Variants in DGKB observed in about 807,000 individuals in gnomAD.
DGKB encodes diacylglycerol kinase beta.
A neutral mutation model predicts 114.3 loss-of-function variants in DGKB; 67 were observed. The ratio of observed to expected loss-of-function variants is 0.59; its 90% CI spans 0.48 to 0.72. DGKB has a LOEUF of 0.72. Among genes scored for constraint, DGKB ranks in the 30% least tolerant of loss-of-function variants. The pLI is 0.00. For missense variants in DGKB, 907 were observed against 975.2 expected, an observed-to-expected ratio of 0.93 and a Z score of 0.93; for synonymous variants, 398 against 323.1, an observed-to-expected ratio of 1.23 and a Z score of -2.49.
chr7:14,575,056 T>G (rs1017319985), intron 19 of DGKB, among the ~76,000 whole-genome samples: 1 of 152,136 alleles, frequency 6.6e-6, no homozygotes, highest in East Asian at 1.9e-4. Context: ...GGCCAGGAGT[T>G]CCAGGCTGCA....
intron 23 of DGKB, among the ~76,000 whole-genome samples, chr7:14,263,357 A>G (rs1797039798): frequency 6.6e-6 from 1 of 152,182 alleles, no homozygotes; most frequent in Non-Finnish European, 1.5e-5. Context: ...ATACATAATG[A>G]TGAGATGAAC....
intron 1 of DGKB, among the ~76,000 whole-genome samples, chr7:14,944,347 A>G (rs1446018646): frequency 6.6e-6 from 1 of 151,936 alleles, no homozygotes; most frequent in Non-Finnish European, 1.5e-5. Flanking sequence ...TGAAATAGGA[A>G]TGTGTGATAT....
intron 23 of DGKB, among the ~76,000 whole-genome samples, chr7:14,190,518 T>G (rs1784136559): frequency 6.6e-6 from 1 of 151,752 alleles, no homozygotes; most frequent in African/African-American, 2.4e-5. Flanking sequence ...AAGCCAAAAT[T>G]AGCAGAAGGA....
chr7:14,627,958 A>AAT, intron 14 of DGKB, among the ~76,000 whole-genome samples: 1 of 151,778 alleles, frequency 6.6e-6, no homozygotes, highest in African/African-American at 2.4e-5. Context: ...AACAAAAAAA[A>AAT]AAAACAACAA....
chr7:14,450,027 G>A (rs935379921), intron 21 of DGKB, among the ~76,000 whole-genome samples: 9 of 151,840 alleles, frequency 5.9e-5, no homozygotes, highest in Admixed American at 6.6e-5. Flanking sequence ...TACTTGCTAG[G>A]CGACAGGAAC....
chr7:14,690,632 C>A, intron 9 of DGKB, among the ~76,000 whole-genome samples: 1 of 152,172 alleles, frequency 6.6e-6, no homozygotes, highest in Middle Eastern at 3.2e-3. Context: ...TACATAATTT[C>A]TGCGATTGCA....
rs528332938 is a variant in DGKB at position 14,635,283 on chromosome 7, G to A, written c.1135-5015C>T. ...TATGTCTATTTGTAGAGTTTTGTCT[G>A]GAGGCTATTGACAAGAAGGGAACCA... On this transcript the variant is annotated intron_variant, in intron 13 of 25. Transcript: ENST00000402815. 3.4e-5 allele frequency among the ~76,000 whole-genome samples: 3 copies of A among 87,002 alleles called. No homozygotes were observed. In the East Asian group the frequency reaches 3.1e-3, roughly 90 times the overall value. 57.1% of individuals were successfully genotyped at this position (87,002 alleles called of 152,430 possible).
At chr7:14,971,762 A>ATTTT (rs71004349) in intron 1 of DGKB, among the ~76,000 whole-genome samples, 2 of 139,184 alleles carry the variant, frequency 1.4e-5, no homozygotes, top group African/African-American at 2.7e-5. Flanking sequence ...TATTGAAAGC[A>ATTTT]TTTTTTTTTT....
intron 2 of DGKB, among the ~76,000 whole-genome samples, chr7:14,779,933 T>C (rs1838813088): frequency 1.3e-5 from 2 of 152,248 alleles, no homozygotes; most frequent in Admixed American, 1.3e-4. Context: ...ACCACTCTTT[T>C]TCCACCTTTT....
chr7:14,227,262 T>A (rs1790949152), intron 23 of DGKB, among the ~76,000 whole-genome samples: 1 of 152,060 alleles, frequency 6.6e-6, no homozygotes. Flanking sequence ...ATATATATAG[T>A]TGCCCAAACT....
intron 2 of DGKB, among the ~76,000 whole-genome samples, chr7:14,810,974 C>T (rs1199454212): frequency 6.6e-6 from 1 of 152,038 alleles, no homozygotes; most frequent in Non-Finnish European, 1.5e-5. Flanking sequence ...TTTGGAGTAG[C>T]CACCTTTCAC....
At chr7:14,781,151 C>T (rs775535948) in intron 2 of DGKB, among the ~76,000 whole-genome samples, 5 of 152,166 alleles carry the variant, frequency 3.3e-5, no homozygotes, top group Non-Finnish European at 7.3e-5. Context: ...CAAAAGGTAA[C>T]GTTTCCCTTA....
At chr7:14,795,233 G>C (rs1416264856) in intron 2 of DGKB, among the ~76,000 whole-genome samples, 2 of 152,200 alleles carry the variant, frequency 1.3e-5, no homozygotes, top group African/African-American at 4.8e-5. Context: ...CTTAATGTTG[G>C]ATCAGGCTGA....
At chr7:14,519,290 A>T (rs964696881) in intron 20 of DGKB, among the ~76,000 whole-genome samples, 3 of 151,854 alleles carry the variant, frequency 2.0e-5, no homozygotes, top group South Asian at 2.1e-4. Flanking sequence ...TCTGATATAA[A>T]TTTTTTTCTG....
chr7:14,406,543 C>G (rs1460831283), intron 21 of DGKB, among the ~76,000 whole-genome samples: 1 of 151,942 alleles, frequency 6.6e-6, no homozygotes, highest in Non-Finnish European at 1.5e-5. Flanking sequence ...TGGTTAACTT[C>G]CTGAAAAGTG....
chr7:14,965,523 T>C (rs1018371976), intron 1 of DGKB, among the ~76,000 whole-genome samples: 10 of 152,138 alleles, frequency 6.6e-5, no homozygotes, highest in Non-Finnish European at 1.3e-4. Context: ...CACCAAGTTT[T>C]AGAATATTAA....
At chr7:14,214,620 A>C (rs1213653361) in intron 23 of DGKB, among the ~76,000 whole-genome samples, 3 of 152,122 alleles carry the variant, frequency 2.0e-5, no homozygotes, top group African/African-American at 7.2e-5. Flanking sequence ...ATTAGAAAAA[A>C]TAATCTTAAA....
intron 1 of DGKB, among the ~76,000 whole-genome samples, chr7:14,935,304 C>A (rs1785217080): frequency 6.6e-6 from 1 of 152,098 alleles, no homozygotes; most frequent in Non-Finnish European, 1.5e-5. Context: ...AAGATGAACT[C>A]TTTGAGTTTT....
intron 25 of DGKB, among the ~76,000 whole-genome samples, chr7:14,151,959 A>C (rs906285420): frequency 1.1e-4 from 16 of 152,048 alleles, no homozygotes; most frequent in African/African-American, 3.9e-4. Flanking sequence ...CAGTTACAGA[A>C]ATTCCAGGTG....
Sources: allele counts gnomAD v4.1 joint callset (sites outside exome capture counted in the v4.1 genomes callset), GRCh38; gene constraint gnomAD v4.1.1; transcripts MANE v1.5; gene names NCBI Gene and HGNC (gene_info 2026-07-23, HGNC 2026-07-21).